Variants in AFAP1 observed in about 807,000 individuals in gnomAD.
AFAP1 encodes the protein actin filament-associated protein 1.
AFAP1 carries 75 observed loss-of-function variants against 93.9 expected under a neutral mutation model. That is an observed-to-expected ratio of 0.80 (90% confidence interval 0.66 to 0.97). The LOEUF is 0.97. Among genes scored for constraint, AFAP1 ranks in the 50% least tolerant of loss-of-function variants. The probability of loss-of-function intolerance (pLI) is 0.00; values close to 1 mark genes in which losing one functional copy is unlikely to be tolerated. For synonymous variants in AFAP1, 517 were observed against 430.7 expected (o/e 1.20, Z -2.48); for missense variants, 1,201 against 1,050.8 (o/e 1.14, Z -1.98).
intron 12 of AFAP1, 121 bp from the exon 13 acceptor site, chr4:7,781,748 C>T: frequency 8.4e-7 from 1 of 1,194,488 alleles, no homozygotes; most frequent in Non-Finnish European, 1.1e-6. Context: ...CCAACACTCT[C>T]CTGCACACAG....
At chr4:7,934,267 G>A (rs140963266) in intron 1 of AFAP1, among the ~76,000 whole-genome samples, 1 of 152,122 alleles carries the variant, frequency 6.6e-6, no homozygotes, top group Non-Finnish European at 1.5e-5. Context: ...AGACTAACCC[G>A]GCTCCAGATG....
At chr4:7,774,596 C>T in intron 15 of AFAP1, 143 bp downstream of exon 15, 1 of 1,274,100 alleles carries the variant, frequency 7.8e-7, no homozygotes, top group Non-Finnish European at 1.1e-6. Flanking sequence ...TTTCCAAGCC[C>T]CAAGAAACAC....
chr4:7,880,888 G>C (rs140657755), intron 1 of AFAP1, among the ~76,000 whole-genome samples: 43 of 152,250 alleles, frequency 2.8e-4, no homozygotes, highest in African/African-American at 1.0e-3. Context: ...AAGTTGCCAC[G>C]GGCGACAGGC....
At chr4:7,905,079 C>G (rs138562980) in intron 1 of AFAP1, among the ~76,000 whole-genome samples, 1 of 152,278 alleles carries the variant, frequency 6.6e-6, no homozygotes, top group Non-Finnish European at 1.5e-5. Flanking sequence ...AGTCTCCTGG[C>G]TGTTGCAACA....
At chr4:7,778,137 G>A (rs12647327) in intron 14 of AFAP1, 2 of 152,998 alleles carry the variant, frequency 1.3e-5, no homozygotes, top group Admixed American at 6.5e-5. Context: ...AGCCTTGGGG[G>A]AGCTGCTTAC....
chr4:7,863,655 T>A (rs1484977474), intron 3 of AFAP1, among the ~76,000 whole-genome samples: 1 of 152,084 alleles, frequency 6.6e-6, no homozygotes. Context: ...CAAAGACACA[T>A]TAGCCAGGTG....
chr4:7,868,565 C>G (rs751640545), intron 3 of AFAP1, 57 bp downstream of exon 3: 4 of 1,521,100 alleles, frequency 2.6e-6, no homozygotes, highest in Non-Finnish European at 3.6e-6. Context: ...CCCTGGAGCC[C>G]GTAAGTACCC....
intron 1 of AFAP1, among the ~76,000 whole-genome samples, chr4:7,896,252 GT>G (rs1231112893): frequency 6.6e-6 from 1 of 152,092 alleles, no homozygotes; most frequent in Non-Finnish European, 1.5e-5. Flanking sequence ...ATTAAAAGAG[GT>G]TTTTTACATA....
intron 1 of AFAP1, among the ~76,000 whole-genome samples, chr4:7,876,096 G>T (rs1239581475): frequency 1.3e-5 from 2 of 152,224 alleles, no homozygotes; most frequent in Non-Finnish European, 2.9e-5. Context: ...AAAGGAAAGA[G>T]AATTTGCTTG....
chr4:7,929,231 C>T (rs1720931450), intron 1 of AFAP1, among the ~76,000 whole-genome samples: 2 of 152,174 alleles, frequency 1.3e-5, no homozygotes, highest in African/African-American at 2.4e-5. Flanking sequence ...CAGGAGCAGG[C>T]AGTGATCACT....
chr4:7,798,151 ACGG>A lies in AFAP1; in HGVS notation c.1266+2288_1266+2290del, dbSNP rs1451815089. ...GCACTGCAACTCTATTGGCTGGCTC[ACGG>A]CACTGCAACTCTACTGGCTGGCTCA... is the stretch of plus-strand genomic sequence containing the variant. On this transcript the variant is annotated intron_variant, in intron 10 of 17. Transcript: ENST00000420658. Among the ~76,000 whole-genome samples, 23 of 112,776 alleles carry A rather than the reference ACGG, an allele frequency of 2.0e-4. No individual in the cohort carries two copies. The South Asian group carries it at 2.2e-3, about 11-fold the overall frequency. The allele number at this position is 112,776 out of a possible 152,430, so 74.0% of individuals were successfully genotyped here.
chr4:7,899,678 G>C (rs1263384145), intron 1 of AFAP1, among the ~76,000 whole-genome samples: 2 of 152,158 alleles, frequency 1.3e-5, no homozygotes, highest in Non-Finnish European at 2.9e-5. Context: ...TAATTGTGAA[G>C]GTGGCTCCCA....
At chr4:7,870,296 G>C (rs935973986) in intron 2 of AFAP1, among the ~76,000 whole-genome samples, 2 of 152,204 alleles carry the variant, frequency 1.3e-5, no homozygotes, top group Non-Finnish European at 2.9e-5. Flanking sequence ...AAGGAGTCTG[G>C]ATTGTGACCA....
intron 1 of AFAP1, among the ~76,000 whole-genome samples, chr4:7,894,404 C>A (rs1474733356): frequency 3.3e-5 from 5 of 152,100 alleles, no homozygotes; most frequent in Non-Finnish European, 7.4e-5. Context: ...AAAAGGAAAA[C>A]CTGAAGACAA....
intron 1 of AFAP1, among the ~76,000 whole-genome samples, chr4:7,885,255 C>A (rs1010415270): frequency 2.6e-5 from 4 of 152,206 alleles, no homozygotes; most frequent in African/African-American, 4.8e-5. Flanking sequence ...TGTCACACTT[C>A]AGGCCTTCTC....
intron 2 of AFAP1, 116 bp from the exon 3 acceptor site, chr4:7,868,835 C>T: frequency 1.1e-6 from 1 of 896,584 alleles, no homozygotes; most frequent in South Asian, 1.5e-5. Flanking sequence ...TTTATTTTCT[C>T]TAATCCTTTA....
chr4:7,836,363 A>G (rs1663258600), intron 6 of AFAP1, among the ~76,000 whole-genome samples: 1 of 152,256 alleles, frequency 6.6e-6, no homozygotes, highest in Non-Finnish European at 1.5e-5. Context: ...GACAACAGGC[A>G]GCTCTACGGA....
At chr4:7,911,136 A>C (rs1719700213) in intron 1 of AFAP1, among the ~76,000 whole-genome samples, 1 of 152,156 alleles carries the variant, frequency 6.6e-6, no homozygotes, top group South Asian at 2.1e-4. Flanking sequence ...GGGTTGAGAA[A>C]GACTTGGCAA....
At chr4:7,766,717 C>G (rs1004349477) in intron 17 of AFAP1, among the ~76,000 whole-genome samples, 14 of 152,264 alleles carry the variant, frequency 9.2e-5, no homozygotes, top group African/African-American at 3.4e-4. Flanking sequence ...CCCTCGGGCA[C>G]CTCCCAGAGC....
Sources: gnomAD v4.1 joint callset for allele counts (sites outside exome capture counted in the v4.1 genomes callset) on GRCh38, gnomAD v4.1.1 for gene constraint, MANE v1.5 for transcripts, NCBI Gene and HGNC (gene_info 2026-07-23, HGNC 2026-07-21) for gene names.